Variants in CHSY3 observed in about 807,000 individuals in gnomAD.
CHSY3 encodes chondroitin sulfate synthase 3.
A neutral mutation model predicts 67.2 loss-of-function variants in CHSY3; 35 were observed. That is an observed-to-expected ratio of 0.52 (90% CI 0.40 to 0.69). CHSY3 has a LOEUF of 0.69. CHSY3 is among the 30% of genes least tolerant of loss of function. The pLI, the probability that CHSY3 is intolerant of heterozygous loss-of-function variation, is 0.00. For synonymous variants in CHSY3, 474 were observed against 434.7 expected, an observed-to-expected ratio of 1.09 and a Z score of -1.12; for missense variants, 1,069 against 1,138.5, an observed-to-expected ratio of 0.94 and a Z score of 0.88.
chr5:130,042,161 A>G (rs769976422), intron 2 of CHSY3, among the ~76,000 whole-genome samples: 1 of 152,110 alleles, frequency 6.6e-6, no homozygotes, highest in South Asian at 2.1e-4. Flanking sequence ...CCTTTAGCCC[A>G]GGAGTTCAAG....
chr5:130,126,684 A>G (rs1472988225), intron 2 of CHSY3, among the ~76,000 whole-genome samples: 3 of 152,160 alleles, frequency 2.0e-5, no homozygotes, highest in East Asian at 1.9e-4. Flanking sequence ...TAAATCTTGA[A>G]TGGTCGAATC....
chr5:129,933,546 TAAG>T (rs1269931001), intron 2 of CHSY3, among the ~76,000 whole-genome samples: 1 of 152,164 alleles, frequency 6.6e-6, no homozygotes, highest in Non-Finnish European at 1.5e-5. Context: ...TATTTATTTT[TAAG>T]AAGATCTTTT....
intron 2 of CHSY3, among the ~76,000 whole-genome samples, chr5:129,984,555 A>C (rs2149625236): frequency 6.6e-6 from 1 of 152,270 alleles, no homozygotes; most frequent in South Asian, 2.1e-4. Flanking sequence ...ATGGGATTGC[A>C]GGGTCAAATG....
chr5:129,940,746 A>T (rs965006660), intron 2 of CHSY3, among the ~76,000 whole-genome samples: 2 of 151,944 alleles, frequency 1.3e-5, no homozygotes, highest in Admixed American at 6.6e-5. Flanking sequence ...GTGAGAGTAT[A>T]TTCATGTGTG....
chr5:129,996,414 G>A (rs1448917382), intron 2 of CHSY3, among the ~76,000 whole-genome samples: 1 of 152,112 alleles, frequency 6.6e-6, no homozygotes, highest in Non-Finnish European at 1.5e-5. Flanking sequence ...GGGACATGGT[G>A]GCATTTGTGC....
intron 2 of CHSY3, among the ~76,000 whole-genome samples, chr5:130,074,932 C>A (rs1766202921): frequency 6.6e-6 from 1 of 152,046 alleles, no homozygotes; most frequent in South Asian, 2.1e-4. Flanking sequence ...TGACTTCAGA[C>A]AAGTTACCCC....
chr5:130,022,575 C>T (rs1159699085), intron 2 of CHSY3, among the ~76,000 whole-genome samples: 1 of 151,886 alleles, frequency 6.6e-6, no homozygotes, highest in Non-Finnish European at 1.5e-5. Context: ...TTTTGTGACC[C>T]TGTTTGATCA....
intron 2 of CHSY3, among the ~76,000 whole-genome samples, chr5:130,099,017 T>G (rs1180834925): frequency 6.6e-6 from 1 of 152,190 alleles, no homozygotes; most frequent in African/African-American, 2.4e-5. Context: ...AAATTCATTC[T>G]CCACTAAGCA....
At chr5:129,999,790 T>A (rs1406805917) in intron 2 of CHSY3, among the ~76,000 whole-genome samples, 1 of 152,082 alleles carries the variant, frequency 6.6e-6, no homozygotes, top group Non-Finnish European at 1.5e-5. Flanking sequence ...CTACCATATA[T>A]CTACATAATA....
chr5:130,076,033 C>A (rs1241237016), intron 2 of CHSY3, among the ~76,000 whole-genome samples: 1 of 152,136 alleles, frequency 6.6e-6, no homozygotes, highest in Admixed American at 6.6e-5. Flanking sequence ...TCCATGTCTT[C>A]TTTGAAACTA....
intron 2 of CHSY3, among the ~76,000 whole-genome samples, chr5:130,138,918 C>A (rs892703995): frequency 4.6e-5 from 7 of 152,144 alleles, no homozygotes; most frequent in African/African-American, 1.7e-4. Context: ...CTGAGAAATG[C>A]ATTTTTGGTG....
chr5:130,128,816 C>A (rs1029592160), intron 2 of CHSY3, among the ~76,000 whole-genome samples: 1 of 151,938 alleles, frequency 6.6e-6, no homozygotes, highest in African/African-American at 2.4e-5. Context: ...TAAATATGGA[C>A]AGCTATTTGC....
At position 129,924,789 on chromosome 5, in the gene CHSY3, T is replaced by G. The variant is rs1040559545; in HGVS notation, c.1086+16429T>G. On this transcript the variant is annotated intron_variant, in intron 2 of 2. Transcript: ENST00000305031. Reference sequence around the variant, plus strand: ...ATTGTTTTAAGAGAAGTGCATGCACTTCTATGAGAGCAAGAGGAAAATGCA... The same window carrying G: ...ATTGTTTTAAGAGAAGTGCATGCACGTCTATGAGAGCAAGAGGAAAATGCA... Among the ~76,000 whole-genome samples the G allele has an allele frequency of 2.0e-5, 3 of 152,174 alleles. No individual in the cohort carries two copies. In the South Asian group the frequency reaches 6.2e-4, roughly 32 times the overall value.
At chr5:130,160,484 G>A (rs938727578) in intron 2 of CHSY3, among the ~76,000 whole-genome samples, 2 of 152,006 alleles carry the variant, frequency 1.3e-5, no homozygotes, top group African/African-American at 4.8e-5. Context: ...CCATCCCTTT[G>A]CCCATTACTT....
intron 2 of CHSY3, among the ~76,000 whole-genome samples, chr5:130,022,925 G>A (rs77722047): frequency 0.012 from 1,872 of 151,948 alleles, 35 homozygotes; most frequent in African/African-American, 0.042. Flanking sequence ...CCTAAAATTC[G>A]GAGTATAAAA....
intron 2 of CHSY3, among the ~76,000 whole-genome samples, chr5:130,170,874 C>T (rs149901026): frequency 8.0e-5 from 12 of 150,346 alleles, no homozygotes; most frequent in Admixed American, 4.7e-4. Flanking sequence ...TATTACTTTA[C>T]ATTTTGTTTT....
In CHSY3 at chr5:130,060,097, C is replaced by T. The variant is rs148016965; in HGVS notation, c.1087-124132C>T. 2.8e-3 allele frequency among the ~76,000 whole-genome samples: 432 copies of T among 152,090 alleles called. 2 individuals carry two copies. Among genetic ancestry groups the T allele is most frequent in the African/African-American group, 9.7e-3 (404 of 41,510 alleles). On this transcript the variant is annotated intron_variant, in intron 2 of 2. Coordinates refer to ENST00000305031, the MANE Select transcript of CHSY3 (RefSeq NM_175856.5). ...ACCTGTATTACTCTGCTACCAAAATCGGGCAAGAACACAACAAAAAGAGAA... is the reference window on the plus strand; with the variant it reads ...ACCTGTATTACTCTGCTACCAAAATTGGGCAAGAACACAACAAAAAGAGAA...
At chr5:130,013,524 G>A (rs1329643843) in intron 2 of CHSY3, among the ~76,000 whole-genome samples, 1 of 152,154 alleles carries the variant, frequency 6.6e-6, no homozygotes, top group Non-Finnish European at 1.5e-5. Context: ...TGACTTCTTT[G>A]TACCCTCAGA....
chr5:130,031,581 G>A (rs79974646), intron 2 of CHSY3, among the ~76,000 whole-genome samples: 4,243 of 152,248 alleles, frequency 0.028, 189 homozygotes, highest in African/African-American at 0.093. Context: ...CAAGATCCCA[G>A]TGAATTATAC....
Sources: gnomAD v4.1 joint callset for allele counts (sites outside exome capture counted in the v4.1 genomes callset) on GRCh38, gnomAD v4.1.1 for gene constraint, MANE v1.5 for transcripts, NCBI Gene and HGNC (gene_info 2026-07-23, HGNC 2026-07-21) for gene names.